The following CHMP1B variants were observed in gnomAD, a reference collection of about 807,000 sequenced individuals.
CHMP1B encodes VPS46 homolog B.
CHMP1B carries 5 observed loss-of-function variants against 11.5 expected under a neutral mutation model. The ratio of observed to expected loss-of-function variants is 0.43; its 90% confidence interval spans 0.23 to 0.91. The LOEUF (loss-of-function observed/expected upper bound fraction) is 0.91, where lower values mean the gene tolerates loss of function less well. CHMP1B is among the 40% of genes least tolerant of loss of function. The pLI, the probability that CHMP1B is intolerant of heterozygous loss-of-function variation, is 0.25. For missense variants in CHMP1B, 246 were observed against 261.2 expected, an observed-to-expected ratio of 0.94 and a Z score of 0.40; for synonymous variants, 105 against 105.7, an observed-to-expected ratio of 0.99 and a Z score of 0.04.
chr18:11,851,424 A>G lies in CHMP1B; in HGVS notation c.-88A>G. 7.1e-7 allele frequency: 1 copy of G among 1,415,292 alleles called. No individual in the cohort carries two copies. Among genetic ancestry groups the G allele is most frequent in the Non-Finnish European group, 9.3e-7 (1 of 1,078,662 alleles). 87.7% of individuals were successfully genotyped at this position (1,415,292 alleles called of 1,614,324 possible). ...ACAGGAAGTGGGACCAAAACAAAGG[A>G]GCGGCGGCCGGGAGCGGACTTACCT... On this transcript the variant is annotated 5_prime_UTR_variant, in exon 1 of 1. Transcript: ENST00000526991.
rs1198134744 is a variant in CHMP1B at position 11,852,404 on chromosome 18, G to A, written c.*293G>A. 5.6e-6 allele frequency: 2 copies of A among 357,870 alleles called. No homozygotes were observed. The highest frequency in any genetic ancestry group is 4.6e-5 in the Admixed American group (1 of 21,894). The allele number at this position is 357,870 out of a possible 1,614,324, so 22.2% of individuals were successfully genotyped here. ...CTTTCTCGAAGATCTGGTCAAAACT[G>A]TATTCAGTTTCCTGCCCAGAATGAT... On this transcript the variant is annotated 3_prime_UTR_variant, in exon 1 of 1. Coordinates refer to ENST00000526991, the MANE Select transcript of CHMP1B (RefSeq NM_020412.5).
Position 11,851,415 on chromosome 18 carries a change from A to T in CHMP1B, c.-97A>T. ...ACAGTAGAAACAGGAAGTGGGACCAAAACAAAGGAGCGGCGGCCGGGAGCG... is the reference window on the plus strand; with the variant it reads ...ACAGTAGAAACAGGAAGTGGGACCATAACAAAGGAGCGGCGGCCGGGAGCG... On this transcript the variant is annotated 5_prime_UTR_variant, in exon 1 of 1. Transcript: ENST00000526991. The T allele has an allele frequency of 7.1e-7, 1 of 1,402,332 alleles. No homozygotes were observed. The highest frequency in any genetic ancestry group is 9.4e-7 in the Non-Finnish European group (1 of 1,068,330). The allele number at this position is 1,402,332 out of a possible 1,614,324, so 86.9% of individuals were successfully genotyped here.
Position 11,851,432 on chromosome 18 carries a change from C to T in CHMP1B, c.-80C>T, listed in dbSNP as rs1202172653. 17 of 1,434,072 alleles carry T rather than the reference C, an allele frequency of 1.2e-5. No homozygotes were observed. The highest frequency in any genetic ancestry group is 1.6e-5 in the Non-Finnish European group (17 of 1,094,354). 88.8% of individuals were successfully genotyped at this position (1,434,072 alleles called of 1,614,324 possible). ...TGGGACCAAAACAAAGGAGCGGCGGCCGGGAGCGGACTTACCTTACCTTCT... is the reference window on the plus strand; with the variant it reads ...TGGGACCAAAACAAAGGAGCGGCGGTCGGGAGCGGACTTACCTTACCTTCT... On this transcript the variant is annotated 5_prime_UTR_variant, in exon 1 of 1. Transcript: ENST00000526991.
At position 11,852,113 on chromosome 18, in the gene CHMP1B, G is replaced by T. The variant is rs910214548; in HGVS notation, c.*2G>T. 2.5e-6 allele frequency: 4 copies of T among 1,588,178 alleles called. No homozygotes were observed. The highest frequency in any genetic ancestry group is 2.6e-6 in the Non-Finnish European group (3 of 1,166,660). On this transcript the variant is annotated 3_prime_UTR_variant, in exon 1 of 1. Coordinates refer to ENST00000526991, the MANE Select transcript of CHMP1B (RefSeq NM_020412.5). Reference sequence around the variant, plus strand: ...GCCCGCCTTCGGGATCAAGTGTGACGGCAGAACCCGCTCTGAGGTTTCCTG... The same window carrying T: ...GCCCGCCTTCGGGATCAAGTGTGACTGCAGAACCCGCTCTGAGGTTTCCTG...
chr18:11,851,576 C>A lies in CHMP1B; in HGVS notation c.65C>A (p.Ala22Asp). The change falls in exon 1 of 1, where the codon GCC (alanine) becomes GAC (aspartate). Residue 22 changes from alanine (A) to aspartate (D), a missense_variant. Physicochemically the swap from Ala to Asp is moderately radical, Grantham distance 126. Transcript: ENST00000526991. ...GCGGCCAAAGAACTGAGTAGGAGTGCCAAAAAATGCGATAAGGAGGAAAAG... is the reference window on the plus strand; with the variant it reads ...GCGGCCAAAGAACTGAGTAGGAGTGACAAAAAATGCGATAAGGAGGAAAAG... ...KFAAKELSRS[A>D]KKCDKEEKAE... 6.2e-7 allele frequency: 1 copy of A among 1,612,374 alleles called. No individual in the cohort carries two copies. The highest frequency in any genetic ancestry group is 8.5e-7 in the Non-Finnish European group (1 of 1,179,264).
chr18:11,852,059 C>T lies in CHMP1B; in HGVS notation c.548C>T (p.Ala183Val), dbSNP rs772587665. Residue 183 changes from alanine (A) to valine (V), a missense_variant, in exon 1 of 1, where the codon GCG becomes GTG. Transcript: ENST00000526991. Reference protein sequence around the residue: ...TGSVGTSVASAEQDELSQRLA... With the variant: ...TGSVGTSVASVEQDELSQRLA... The stretch of plus-strand genomic sequence containing the variant: ...TCCGTGGGCACGAGCGTGGCTTCGG[C>T]GGAGCAGGATGAACTGTCTCAGAGA... 16 of 1,612,984 alleles carry T rather than the reference C, an allele frequency of 9.9e-6. No homozygotes were observed. In the Admixed American group the frequency reaches 1.8e-4, roughly 19 times the overall value.
chr18:11,853,014 A>C lies in CHMP1B; in HGVS notation c.*903A>C, dbSNP rs1256251923. On this transcript the variant is annotated 3_prime_UTR_variant, in exon 1 of 1. Coordinates refer to ENST00000526991, the MANE Select transcript of CHMP1B (RefSeq NM_020412.5). ...ATGGCAGTCATGTTACACACTCTTAACATTGCCAAAGAACTGTTGATTTCG... is the reference window on the plus strand; with the variant it reads ...ATGGCAGTCATGTTACACACTCTTACCATTGCCAAAGAACTGTTGATTTCG... 6.0e-6 allele frequency: 1 copy of C among 167,108 alleles called. No individual in the cohort carries two copies. Among genetic ancestry groups the C allele is most frequent in the Non-Finnish European group, 1.5e-5 (1 of 68,118 alleles). 10.4% of individuals were successfully genotyped at this position (167,108 alleles called of 1,614,324 possible).
rs201261255 is a variant in CHMP1B, at chr18:11,851,696, C to T, written c.185C>T (p.Ala62Val). 1 of 1,613,838 alleles carries T rather than the reference C, an allele frequency of 6.2e-7. No homozygotes were observed. The highest frequency in any genetic ancestry group is 1.3e-5 in the African/African-American group (1 of 74,922). ...AENAIRQKNQ[A>V]VNFLRMSARV... ...AATGCCATCCGCCAGAAGAACCAGGCGGTGAATTTCTTGAGAATGAGTGCG... is the reference window on the plus strand; with the variant it reads ...AATGCCATCCGCCAGAAGAACCAGGTGGTGAATTTCTTGAGAATGAGTGCG... The change falls in exon 1 of 1, where the codon GCG (alanine) becomes GTG (valine). Residue 62 changes from alanine (A) to valine (V), a missense_variant. Physicochemically the swap from Ala to Val is moderately conservative, Grantham distance 64 (BLOSUM62 0). Transcript: ENST00000526991.
In CHMP1B at chr18:11,852,216, C is replaced by A; in HGVS notation, c.*105C>A. On this transcript the variant is annotated 3_prime_UTR_variant, in exon 1 of 1. Coordinates refer to ENST00000526991, the MANE Select transcript of CHMP1B (RefSeq NM_020412.5). ...TAGAAACTCTGAACACGCCAGAATG[C>A]TGAAATGCCCTTCTACCTTTGGGTT... 7.4e-7 allele frequency: 1 copy of A among 1,349,800 alleles called. No homozygotes were observed. Among genetic ancestry groups the A allele is most frequent in the Non-Finnish European group, 9.9e-7 (1 of 1,007,866 alleles). The allele number at this position is 1,349,800 out of a possible 1,614,324, so 83.6% of individuals were successfully genotyped here. A position where few individuals can be genotyped will look rare whatever the true frequency, so the allele number is the denominator to read the frequency against.
Position 11,854,324 on chromosome 18 carries a change from T to G in CHMP1B, c.*2213T>G, listed in dbSNP as rs1011204490. ...TCATACTATTATGAATGTACATTTT[T>G]ATGAGTCATAAATATTATTTTCAAA... On this transcript the variant is annotated 3_prime_UTR_variant, in exon 1 of 1. Coordinates refer to ENST00000526991, the MANE Select transcript of CHMP1B (RefSeq NM_020412.5). 1.2e-5 allele frequency: 2 copies of G among 167,130 alleles called. No individual in the cohort carries two copies. The highest frequency in any genetic ancestry group is 4.8e-5 in the African/African-American group (2 of 41,466). The allele number at this position is 167,130 out of a possible 1,614,324, so 10.4% of individuals were successfully genotyped here.
Position 11,851,692 on chromosome 18 carries a change from C to T in CHMP1B, c.181C>T (p.Gln61Ter), listed in dbSNP as rs1007245929. The T allele has an allele frequency of 1.9e-6, 3 of 1,613,892 alleles. No individual in the cohort carries two copies. The highest frequency in any genetic ancestry group is 2.5e-6 in the Non-Finnish European group (3 of 1,179,906). Residue 61 changes from glutamine (Q) to a stop codon, truncating the protein, a stop_gained, in exon 1 of 1, where the codon CAG (glutamine) becomes TAG (stop). Transcript: ENST00000526991. LOFTEE classifies it high-confidence loss of function. ...CGAAAATGCCATCCGCCAGAAGAAC[C>T]AGGCGGTGAATTTCTTGAGAATGAG... The part of the protein sequence containing the change: ...HAENAIRQKN[Q>*]AVNFLRMSAR...
rs2035914981 is a variant in CHMP1B, at chr18:11,852,922, C to T, written c.*811C>T. Reference sequence around the variant, plus strand: ...GACAGTGTCTTTCAAACGAACTTCTCTAACAAGTTTATAGTTATTTTCCTG... The same window carrying T: ...GACAGTGTCTTTCAAACGAACTTCTTTAACAAGTTTATAGTTATTTTCCTG... On this transcript the variant is annotated 3_prime_UTR_variant, in exon 1 of 1. Transcript: ENST00000526991. 1 of 166,956 alleles carries T rather than the reference C, an allele frequency of 6.0e-6. No individual in the cohort carries two copies. The highest frequency in any genetic ancestry group is 2.1e-4 in the South Asian group (1 of 4,836). 10.3% of individuals were successfully genotyped at this position (166,956 alleles called of 1,614,324 possible).
rs1282226737 is a variant in CHMP1B, at chr18:11,851,452, C to T, written c.-60C>T. 1.4e-6 allele frequency: 2 copies of T among 1,470,546 alleles called. No individual in the cohort carries two copies. The highest frequency in any genetic ancestry group is 1.4e-5 in the South Asian group (1 of 69,630). The allele number at this position is 1,470,546 out of a possible 1,614,324, so 91.1% of individuals were successfully genotyped here. On this transcript the variant is annotated 5_prime_UTR_variant, in exon 1 of 1. Transcript: ENST00000526991. Reference sequence around the variant, plus strand: ...GGCGGCCGGGAGCGGACTTACCTTACCTTCTCTGCCTTCGGCGCGCTTCTC... The same window carrying T: ...GGCGGCCGGGAGCGGACTTACCTTATCTTCTCTGCCTTCGGCGCGCTTCTC...
chr18:11,852,456 A>G lies in CHMP1B; in HGVS notation c.*345A>G, dbSNP rs61686256. On this transcript the variant is annotated 3_prime_UTR_variant, in exon 1 of 1. Coordinates refer to ENST00000526991, the MANE Select transcript of CHMP1B (RefSeq NM_020412.5). The stretch of plus-strand genomic sequence containing the variant: ...AGATTGAAGGTGGTTGGTTTTTATT[A>G]TTATTTAGTGTGATTGATAGTATCT... 3,565 of 261,538 alleles carry G rather than the reference A, an allele frequency of 0.014. 134 individuals carry two copies. The highest frequency in any genetic ancestry group is 0.074 in the African/African-American group (3,314 of 44,692). 16.2% of individuals were successfully genotyped at this position (261,538 alleles called of 1,614,324 possible). A position where few individuals can be genotyped will look rare whatever the true frequency, so the allele number is the denominator to read the frequency against.
Position 11,851,532 on chromosome 18 carries a change from C to G in CHMP1B, c.21C>G (p.His7Gln), listed in dbSNP as rs376388065. ...CGACTATGTCTAACATGGAGAAACACCTGTTCAACCTGAAGTTCGCGGCCA... is the reference window on the plus strand; with the variant it reads ...CGACTATGTCTAACATGGAGAAACAGCTGTTCAACCTGAAGTTCGCGGCCA... MSNMEK[H>Q]LFNLKFAAKE... The change falls in exon 1 of 1, where the codon CAC becomes CAG. Residue 7 changes from histidine (H) to glutamine (Q), a missense_variant. By Grantham distance (24) the His-to-Gln change is conservative. Transcript: ENST00000526991. The G allele has an allele frequency of 7.4e-5, 118 of 1,600,354 alleles. 1 individual carries two copies. The highest frequency in any genetic ancestry group is 9.6e-5 in the Non-Finnish European group (113 of 1,174,304).
chr18:11,852,756 A>G lies in CHMP1B; in HGVS notation c.*645A>G, dbSNP rs1269687021. ...TACTCTCTTACTGCTTACATTCTAT[A>G]AATTTTTCACGTGATAATTGTCTTT... On this transcript the variant is annotated 3_prime_UTR_variant, in exon 1 of 1. Coordinates refer to ENST00000526991, the MANE Select transcript of CHMP1B (RefSeq NM_020412.5). 1 of 166,784 alleles carries G rather than the reference A, an allele frequency of 6.0e-6. No homozygotes were observed. Among genetic ancestry groups the G allele is most frequent in the Non-Finnish European group, 1.5e-5 (1 of 68,112 alleles). 10.3% of individuals were successfully genotyped at this position (166,784 alleles called of 1,614,324 possible).
chr18:11,853,214 T>C lies in CHMP1B; in HGVS notation c.*1103T>C, dbSNP rs1308897254. 1 of 167,106 alleles carries C rather than the reference T, an allele frequency of 6.0e-6. No individual in the cohort carries two copies. The highest frequency in any genetic ancestry group is 2.4e-5 in the African/African-American group (1 of 41,464). 10.4% of individuals were successfully genotyped at this position (167,106 alleles called of 1,614,324 possible). A position where few individuals can be genotyped will look rare whatever the true frequency, so the allele number is the denominator to read the frequency against. On this transcript the variant is annotated 3_prime_UTR_variant, in exon 1 of 1. Transcript: ENST00000526991. ...TAAGCTGGAATGTTTTACTTAGCCA[T>C]GCAAGTCATTTATGTATACATCCAG... is the stretch of plus-strand genomic sequence containing the variant.
Position 11,853,592 on chromosome 18 carries a change from T to C in CHMP1B, c.*1481T>C, listed in dbSNP as rs1430289127. 2 of 167,058 alleles carry C rather than the reference T, an allele frequency of 1.2e-5. No homozygotes were observed. The highest frequency in any genetic ancestry group is 1.3e-4 in the Admixed American group (2 of 15,288). 10.3% of individuals were successfully genotyped at this position (167,058 alleles called of 1,614,324 possible). On this transcript the variant is annotated 3_prime_UTR_variant, in exon 1 of 1. Coordinates refer to ENST00000526991, the MANE Select transcript of CHMP1B (RefSeq NM_020412.5). The stretch of plus-strand genomic sequence containing the variant: ...AGATTCATAACCAACTATTCACTAT[T>C]ATAACATGTTTCCCAGTGTAAATGA...
In CHMP1B at chr18:11,851,844, T is replaced by G; in HGVS notation, c.333T>G (p.Ile111Met). ...ATLKTMNLEK[I>M]SALMDKFEHQ... ...TGAAGACCATGAATCTGGAGAAGAT[T>G]TCTGCTTTGATGGACAAATTCGAGC... Residue 111 changes from isoleucine to methionine, a missense_variant, in exon 1 of 1, where the codon ATT becomes ATG. Transcript: ENST00000526991. 1.2e-6 allele frequency: 2 copies of G among 1,613,978 alleles called. No individual in the cohort carries two copies. The highest frequency in any genetic ancestry group is 3.3e-4 in the Middle Eastern group (2 of 6,062).
Sources: gnomAD v4.1 joint callset for allele counts on GRCh38, gnomAD v4.1.1 for gene constraint, MANE v1.5 for transcripts, NCBI Gene and HGNC (gene_info 2026-07-23, HGNC 2026-07-21) for gene names.